Variants in DLGAP1 observed in about 807,000 individuals in gnomAD.
DLGAP1 encodes disks large-associated protein 1.
In DLGAP1, 11 loss-of-function variants were observed where a neutral mutation model predicts 90.8. That is an observed-to-expected ratio of 0.12 (90% CI 0.08 to 0.20). The LOEUF is 0.20. Among genes scored for constraint, DLGAP1 ranks in the 10% least tolerant of loss-of-function variants. DLGAP1 has a pLI of 1.00. For missense variants in DLGAP1, 1,050 were observed against 1,333.8 expected, an observed-to-expected ratio of 0.79 and a Z score of 3.31; for synonymous variants, 558 against 540.7, an observed-to-expected ratio of 1.03 and a Z score of -0.44.
chr18:4,360,359 G>C (rs1365729856), intron 1 of DLGAP1, among the ~76,000 whole-genome samples: 3 of 152,142 alleles, frequency 2.0e-5, no homozygotes, highest in African/African-American at 7.2e-5. Context: ...CAAAGCAAAA[G>C]GAGTGTCTAG....
intron 1 of DLGAP1, among the ~76,000 whole-genome samples, chr18:4,262,347 G>A (rs1218515697): frequency 6.6e-6 from 1 of 152,146 alleles, no homozygotes; most frequent in African/African-American, 2.4e-5. Flanking sequence ...TGCACAGTGT[G>A]TGTGCATGCA....
At chr18:4,214,698 T>C (rs2077916103) in intron 1 of DLGAP1, among the ~76,000 whole-genome samples, 1 of 152,314 alleles carries the variant, frequency 6.6e-6, no homozygotes, top group African/African-American at 2.4e-5. Flanking sequence ...ATCTTTTAAA[T>C]GTTGACCACT....
intron 7 of DLGAP1, among the ~76,000 whole-genome samples, chr18:3,626,830 C>A (rs113736817): frequency 6.6e-6 from 1 of 151,264 alleles, no homozygotes; most frequent in Non-Finnish European, 1.5e-5. Context: ...CCCGGGAGGG[C>A]GGAGGCTGCA....
At chr18:3,504,574 T>TG (rs1568089598) in intron 11 of DLGAP1, among the ~76,000 whole-genome samples, 1 of 151,910 alleles carries the variant, frequency 6.6e-6, no homozygotes, top group Non-Finnish European at 1.5e-5. Flanking sequence ...TTTGTAGAGA[T>TG]GGGGTCTCAC....
chr18:3,822,457 G>A (rs2067474808), intron 4 of DLGAP1, among the ~76,000 whole-genome samples: 1 of 152,196 alleles, frequency 6.6e-6, no homozygotes, highest in South Asian at 2.1e-4. Context: ...ACAGTCTCTG[G>A]TGTTAAAGGA....
intron 1 of DLGAP1, among the ~76,000 whole-genome samples, chr18:4,276,170 ATTT>A (rs35566291): frequency 4.4e-4 from 55 of 125,414 alleles, no homozygotes; most frequent in African/African-American, 1.5e-3. Flanking sequence ...AGGGGGCTTG[ATTT>A]TTTTTTTTTT....
At chr18:4,209,216 G>T (rs2077788576) in intron 1 of DLGAP1, among the ~76,000 whole-genome samples, 1 of 152,154 alleles carries the variant, frequency 6.6e-6, no homozygotes, top group Non-Finnish European at 1.5e-5. Context: ...AAGGATTGGG[G>T]TTATGGCGGT....
At chr18:4,303,569 C>T (rs2080178352) in intron 1 of DLGAP1, among the ~76,000 whole-genome samples, 1 of 152,106 alleles carries the variant, frequency 6.6e-6, no homozygotes, top group Non-Finnish European at 1.5e-5. Context: ...ATTGTATTGA[C>T]AATTCAAATT....
chr18:4,130,367 T>G (rs953359481), intron 2 of DLGAP1, among the ~76,000 whole-genome samples: 1 of 152,178 alleles, frequency 6.6e-6, no homozygotes, highest in African/African-American at 2.4e-5. Flanking sequence ...GATTATTTAA[T>G]AGTAAGTGAT....
intron 3 of DLGAP1, among the ~76,000 whole-genome samples, chr18:3,893,581 A>AAAT (rs57334634): frequency 0.13 from 18,817 of 142,910 alleles, 1,382 homozygotes; most frequent in African/African-American, 0.2. Context: ...CTCAATCTCA[A>AAAT]AATAATAATA....
intron 3 of DLGAP1, among the ~76,000 whole-genome samples, chr18:3,929,240 T>A (rs2148926090): frequency 6.6e-6 from 1 of 152,328 alleles, no homozygotes; most frequent in East Asian, 1.9e-4. Flanking sequence ...AAGAGTAAAG[T>A]AAGGTTGTTT....
intron 3 of DLGAP1, among the ~76,000 whole-genome samples, chr18:3,940,411 G>A (rs749759607): frequency 4.6e-5 from 7 of 152,128 alleles, no homozygotes; most frequent in East Asian, 1.9e-4. Context: ...TGTCAGTGTC[G>A]AGGTAATTTG....
At chr18:3,702,706 G>C (rs569465005) in intron 7 of DLGAP1, among the ~76,000 whole-genome samples, 1 of 152,294 alleles carries the variant, frequency 6.6e-6, no homozygotes, top group African/African-American at 2.4e-5. Flanking sequence ...AATCTCTGTG[G>C]GGAGCCAGAG....
intron 7 of DLGAP1, among the ~76,000 whole-genome samples, chr18:3,631,205 A>G (rs2058512783): frequency 6.6e-6 from 1 of 151,694 alleles, no homozygotes; most frequent in African/African-American, 2.4e-5. Flanking sequence ...GCTAGCCTTG[A>G]ACTCCTGACC....
chr18:3,581,718 A>T (rs1827008004), intron 8 of DLGAP1, among the ~76,000 whole-genome samples, 157 bp downstream of exon 8: 1 of 152,146 alleles, frequency 6.6e-6, no homozygotes, highest in Non-Finnish European at 1.5e-5. Flanking sequence ...CACATTTAAC[A>T]GTATACGGAG....
intron 1 of DLGAP1, among the ~76,000 whole-genome samples, chr18:4,288,107 C>T (rs1000775718): frequency 1.3e-5 from 2 of 151,942 alleles, no homozygotes; most frequent in Non-Finnish European, 2.9e-5. Context: ...TACATGTGCA[C>T]ATTGTGCAGG....
rs188871404 is a variant in DLGAP1 at position 3,892,960 on chromosome 18, T to C, written c.-72-12820A>G. On this transcript the variant is annotated intron_variant, in intron 3 of 12. Coordinates refer to ENST00000315677, the MANE Select transcript of DLGAP1 (RefSeq NM_004746.4). Reference sequence around the variant, plus strand: ...GGTTTAGGGGATACAAGTGCAGTTTTGTTACATTGTGTAGAAGTAAAGGCT... The same window carrying C: ...GGTTTAGGGGATACAAGTGCAGTTTCGTTACATTGTGTAGAAGTAAAGGCT... Among the ~76,000 whole-genome samples, 386 of 150,546 alleles carry C rather than the reference T, an allele frequency of 2.6e-3. 1 individual carries two copies. Among genetic ancestry groups the C allele is most frequent in the Admixed American group, 6.7e-3 (101 of 15,094 alleles).
intron 3 of DLGAP1, among the ~76,000 whole-genome samples, chr18:3,914,419 A>C (rs2072099594): frequency 6.6e-6 from 1 of 152,156 alleles, no homozygotes; most frequent in African/African-American, 2.4e-5. Flanking sequence ...TTCAATTTTT[A>C]ATACATAAAC....
intron 3 of DLGAP1, among the ~76,000 whole-genome samples, chr18:3,912,257 A>T (rs1477719966): frequency 6.6e-6 from 1 of 152,220 alleles, no homozygotes; most frequent in Non-Finnish European, 1.5e-5. Context: ...TTTAGGTGAG[A>T]CAATGTCAAT....
Sources: gnomAD v4.1 joint callset for allele counts (sites outside exome capture counted in the v4.1 genomes callset) on GRCh38, gnomAD v4.1.1 for gene constraint, MANE v1.5 for transcripts, NCBI Gene and HGNC (gene_info 2026-07-23, HGNC 2026-07-21) for gene names.